BRINP3: variants seen among roughly 807,000 people sequenced by gnomAD.
BRINP3 encodes BMP/retinoic acid inducible neural specific 3.
In BRINP3, 19 loss-of-function variants were observed where a neutral mutation model predicts 71.0. The ratio of observed to expected loss-of-function variants is 0.27; its 90% CI spans 0.19 to 0.39. BRINP3 has a LOEUF of 0.39. Ranked by LOEUF, BRINP3 falls within the 10% of genes least tolerant of loss-of-function variation. The probability of loss-of-function intolerance (pLI) is 1.00; values close to 1 mark genes in which losing one functional copy is unlikely to be tolerated. For synonymous variants in BRINP3, 380 were observed against 337.7 expected (o/e 1.13, Z -1.37); for missense variants, 959 against 940.8 (o/e 1.02, Z -0.25).
chr1:190,297,715 C>T (rs764227096), intron 2 of BRINP3, among the ~76,000 whole-genome samples: 26 of 151,510 alleles, frequency 1.7e-4, no homozygotes, highest in Non-Finnish European at 5.9e-5. Context: ...ACTTACAATG[C>T]TAGAATAAAC....
intron 2 of BRINP3, among the ~76,000 whole-genome samples, chr1:190,361,229 C>T (rs1669126130): frequency 6.6e-6 from 1 of 151,908 alleles, no homozygotes; most frequent in Non-Finnish European, 1.5e-5. Context: ...CCATTGAAGA[C>T]TTTAAAGTCA....
At chr1:190,190,716 T>G (rs555990657) in intron 6 of BRINP3, among the ~76,000 whole-genome samples, 1 of 152,172 alleles carries the variant, frequency 6.6e-6, no homozygotes, top group South Asian at 2.1e-4. Context: ...TGTTTTTTTT[T>G]GAAATAAAAT....
intron 7 of BRINP3, chr1:190,153,932 G>T: frequency 3.8e-6 from 1 of 260,380 alleles, no homozygotes; most frequent in Non-Finnish European, 6.0e-6. Context: ...TTTGGCTCTA[G>T]TAATATAACT....
chr1:190,380,029 A>G (rs1476714101), intron 2 of BRINP3, among the ~76,000 whole-genome samples: 1 of 54,250 alleles, frequency 1.8e-5, no homozygotes, highest in Non-Finnish European at 4.9e-5. Context: ...AGAAAAAAGA[A>G]AAAAAAAAAG....
chr1:190,331,734 C>A (rs1445945429), intron 2 of BRINP3, among the ~76,000 whole-genome samples: 1 of 151,938 alleles, frequency 6.6e-6, no homozygotes, highest in African/African-American at 2.4e-5. Context: ...CAGTAGATCA[C>A]CTACACAGTT....
At chr1:190,298,657 T>G (rs1163834988) in intron 2 of BRINP3, among the ~76,000 whole-genome samples, 1 of 152,146 alleles carries the variant, frequency 6.6e-6, no homozygotes, top group Non-Finnish European at 1.5e-5. Context: ...TAGTATTGCT[T>G]TCTTGTATGC....
At chr1:190,379,997 CAA>C (rs34329313) in intron 2 of BRINP3, among the ~76,000 whole-genome samples, 3 of 100,880 alleles carry the variant, frequency 3.0e-5, no homozygotes, top group African/African-American at 8.1e-5. Flanking sequence ...GACTCCACCT[CAA>C]AAAAAAAAAA....
At chr1:190,424,976 T>A (rs948138990) in intron 2 of BRINP3, among the ~76,000 whole-genome samples, 4 of 151,122 alleles carry the variant, frequency 2.6e-5, no homozygotes, top group African/African-American at 9.7e-5. Context: ...AAAGGGAAGA[T>A]GAATAAGAGG....
At chr1:190,237,379 T>C (rs1658623457) in intron 4 of BRINP3, among the ~76,000 whole-genome samples, 1 of 151,562 alleles carries the variant, frequency 6.6e-6, no homozygotes, top group Non-Finnish European at 1.5e-5. Flanking sequence ...ACTTATTTAA[T>C]TCTTTAAAAT....
chr1:190,291,754 C>A (rs1663885618), intron 2 of BRINP3, among the ~76,000 whole-genome samples: 1 of 151,978 alleles, frequency 6.6e-6, no homozygotes, highest in South Asian at 2.1e-4. Context: ...GGAGATTTTT[C>A]AAAAAATAAA....
In BRINP3 at chr1:190,165,200, C is replaced by CA. The variant is rs568231016; in HGVS notation, c.962-4311dup. ...CCATGCAAACATTTGTTTTTACACA[C>CA]AAAAAATGATCATTTCTGATTTTAT... On this transcript the variant is annotated intron_variant, in intron 6 of 7. Coordinates refer to ENST00000367462, the MANE Select transcript of BRINP3 (RefSeq NM_199051.3). Among the ~76,000 whole-genome samples the CA allele has an allele frequency of 2.2e-4, 33 of 152,062 alleles. No individual in the cohort carries two copies. In the East Asian group the frequency reaches 3.1e-3, roughly 14 times the overall value.
chr1:190,346,549 C>CA lies in BRINP3; in HGVS notation c.237-64800dup, dbSNP rs1485400528. On this transcript the variant is annotated intron_variant, in intron 2 of 7. Coordinates refer to ENST00000367462, the MANE Select transcript of BRINP3 (RefSeq NM_199051.3). ...TGCTTATTCCTTGCCAAAGGATGTG[C>CA]ATTTCTTGCCAATATCTACCTAATT... is the stretch of plus-strand genomic sequence containing the variant. 9.9e-5 allele frequency among the ~76,000 whole-genome samples: 15 copies of CA among 152,098 alleles called. 1 individual carries two copies. The highest frequency in any genetic ancestry group is 1.5e-5 in the Non-Finnish European group (1 of 68,012).
intron 6 of BRINP3, among the ~76,000 whole-genome samples, chr1:190,180,539 G>A (rs777919395): frequency 1.1e-4 from 17 of 151,992 alleles, no homozygotes; most frequent in Non-Finnish European, 1.9e-4. Context: ...TAAGTAAGAC[G>A]TTTTACAGGA....
At chr1:190,346,543 G>A (rs1668032719) in intron 2 of BRINP3, among the ~76,000 whole-genome samples, 1 of 151,994 alleles carries the variant, frequency 6.6e-6, no homozygotes, top group South Asian at 2.1e-4. Flanking sequence ...CTTGCCAAAG[G>A]ATGTGCATTT....
chr1:190,471,036 G>A (rs1282323855), intron 1 of BRINP3, among the ~76,000 whole-genome samples: 1 of 151,138 alleles, frequency 6.6e-6, no homozygotes, highest in African/African-American at 2.4e-5. Context: ...AAGTAATTAT[G>A]AAGACTTTGT....
At chr1:190,362,178 A>C (rs575513119) in intron 2 of BRINP3, 9 of 152,268 alleles carry the variant, frequency 5.9e-5, no homozygotes, top group African/African-American at 2.2e-4. Context: ...GAAGAACTTC[A>C]AAGAAACAAA....
chr1:190,273,054 T>G (rs929998109), intron 3 of BRINP3, among the ~76,000 whole-genome samples: 1 of 54,334 alleles, frequency 1.8e-5, no homozygotes, highest in East Asian at 5.4e-4. Context: ...AAGAGATCTG[T>G]TTTTTTTTTT....
chr1:190,197,362 G>T (rs1197214310), intron 6 of BRINP3, among the ~76,000 whole-genome samples: 1 of 152,138 alleles, frequency 6.6e-6, no homozygotes, highest in African/African-American at 2.4e-5. Flanking sequence ...CTTCCCAAGA[G>T]TTCCTCAAAG....
At chr1:190,252,549 C>A (rs962474084) in intron 4 of BRINP3, among the ~76,000 whole-genome samples, 1 of 152,018 alleles carries the variant, frequency 6.6e-6, no homozygotes, top group Admixed American at 6.6e-5. Flanking sequence ...GTTGTTACCA[C>A]TTAACTAATT....
Sources: gnomAD v4.1 joint callset for allele counts (sites outside exome capture counted in the v4.1 genomes callset) on GRCh38, gnomAD v4.1.1 for gene constraint, MANE v1.5 for transcripts, NCBI Gene and HGNC (gene_info 2026-07-23, HGNC 2026-07-21) for gene names.